Variants in PRKN observed in about 807,000 individuals in gnomAD.
PRKN encodes E3 ubiquitin-protein ligase parkin.
PRKN carries 56 observed loss-of-function variants against 59.5 expected under a neutral mutation model. The ratio of observed to expected loss-of-function variants is 0.94; its 90% CI spans 0.76 to 1.18. The LOEUF (loss-of-function observed/expected upper bound fraction) is 1.18. Ranked by LOEUF, PRKN falls within the 50% of genes most tolerant of loss-of-function variation. PRKN has a pLI of 0.00. For missense variants in PRKN, 657 were observed against 596.4 expected (o/e 1.10, Z -1.06); for synonymous variants, 250 against 222.1 (o/e 1.13, Z -1.12).
In PRKN at chr6:162,291,428, G is replaced by A. The variant is rs573545739; in HGVS notation, c.172-28663C>T. 3.3e-5 allele frequency among the ~76,000 whole-genome samples: 5 copies of A among 152,082 alleles called. No homozygotes were observed. The East Asian group carries it at 5.8e-4, about 18-fold the overall frequency. ...GGTGGGATGGGGGGGAAGGGACATC[G>A]CAGGAATCATGCCACTTTCCAGCCC... On this transcript the variant is annotated intron_variant, in intron 2 of 11. Transcript: ENST00000366898.
rs191877400 is a variant in PRKN, at chr6:161,576,670, A to T, written c.872-7254T>A. ...CGAGAGACAATAAAAATAAACTAATAAGTAGGTAAATGAAGTAACATTTTG... is the reference window on the plus strand; with the variant it reads ...CGAGAGACAATAAAAATAAACTAATTAGTAGGTAAATGAAGTAACATTTTG... On this transcript the variant is annotated intron_variant, in intron 7 of 11. Transcript: ENST00000366898. The surrounding 1 kb of genome is among the most constrained non-coding windows in gnomAD (Gnocchi z 4.6). Among the ~76,000 whole-genome samples, 1 of 152,294 alleles carries T rather than the reference A, an allele frequency of 6.6e-6. No homozygotes were observed. Among genetic ancestry groups the T allele is most frequent in the Admixed American group, 6.5e-5 (1 of 15,304 alleles).
chr6:161,474,592 C>A (rs1790971644), intron 9 of PRKN, among the ~76,000 whole-genome samples: 1 of 151,452 alleles, frequency 6.6e-6, no homozygotes, highest in East Asian at 1.9e-4. Context: ...CTATGTTCAC[C>A]ATTACTTTTT....
intron 9 of PRKN, among the ~76,000 whole-genome samples, chr6:161,418,773 T>C (rs1787963685): frequency 6.6e-6 from 1 of 152,210 alleles, no homozygotes. Context: ...TCCCACATAG[T>C]ATTTGCTTCT....
Position 161,872,619 on chromosome 6 carries a change from AATCCATGGTCC to A in PRKN, c.735-86722_735-86712del, listed in dbSNP as rs528293654. On this transcript the variant is annotated intron_variant, in intron 6 of 11. Coordinates refer to ENST00000366898, the MANE Select transcript of PRKN (RefSeq NM_004562.3). ...GCATTTACTGATACCCACAATGCTT[AATCCATGGTCC>A]CTCATATTAAAGCCATCTGCTGGGC... Among the ~76,000 whole-genome samples the A allele has an allele frequency of 5.3e-3, 802 of 152,134 alleles. 11 individuals are homozygous for A. Among genetic ancestry groups the A allele is most frequent in the African/African-American group, 0.019 (772 of 41,522 alleles).
At chr6:162,073,520 T>C (rs1778674676) in intron 4 of PRKN, among the ~76,000 whole-genome samples, 1 of 152,212 alleles carries the variant, frequency 6.6e-6, no homozygotes, top group Non-Finnish European at 1.5e-5. Flanking sequence ...TGGCACGATA[T>C]GGCTCACTGC....
intron 7 of PRKN, among the ~76,000 whole-genome samples, chr6:161,684,759 T>C (rs1481468366): frequency 6.6e-6 from 1 of 151,542 alleles, no homozygotes; most frequent in Non-Finnish European, 1.5e-5. Context: ...CTAAAGTCTA[T>C]ATTTTAGGTC....
chr6:162,282,038 C>A (rs1035275631), intron 2 of PRKN, among the ~76,000 whole-genome samples: 8 of 152,160 alleles, frequency 5.3e-5, no homozygotes, highest in African/African-American at 1.9e-4. Flanking sequence ...GCTGATCAGA[C>A]AGGAGCTCCA....
At chr6:161,878,579 T>C (rs1449383069) in intron 6 of PRKN, among the ~76,000 whole-genome samples, 1 of 152,170 alleles carries the variant, frequency 6.6e-6, no homozygotes, top group Non-Finnish European at 1.5e-5. Context: ...CAGGGGCCAT[T>C]ACGAAATGAA....
At chr6:161,572,528 C>G (rs142552822) in intron 7 of PRKN, among the ~76,000 whole-genome samples, 3 of 151,978 alleles carry the variant, frequency 2.0e-5, no homozygotes, top group Non-Finnish European at 4.4e-5. Flanking sequence ...GACATGGTGG[C>G]GGGCATCTGT....
At chr6:162,227,935 A>C (rs1778252457) in intron 3 of PRKN, among the ~76,000 whole-genome samples, 1 of 88,270 alleles carries the variant, frequency 1.1e-5, no homozygotes, top group Non-Finnish European at 2.3e-5. Context: ...AGTTCCATTA[A>C]AAAAAAAAAA....
At chr6:161,934,960 A>T (rs1779299402) in intron 6 of PRKN, among the ~76,000 whole-genome samples, 1 of 152,194 alleles carries the variant, frequency 6.6e-6, no homozygotes, top group Non-Finnish European at 1.5e-5. Flanking sequence ...AGAAATAATT[A>T]GGTCTGTCTA....
intron 7 of PRKN, among the ~76,000 whole-genome samples, chr6:161,737,222 C>T (rs1203468077): frequency 1.3e-5 from 2 of 152,288 alleles, no homozygotes; most frequent in East Asian, 3.9e-4. Flanking sequence ...TGGCCTTCAC[C>T]AGGAAGGCAA....
Position 161,448,557 on chromosome 6 carries a change from T to C in PRKN, c.1084-61680A>G, listed in dbSNP as rs569067272. On this transcript the variant is annotated intron_variant, in intron 9 of 11. Transcript: ENST00000366898. The surrounding 1 kb of genome is among the most constrained non-coding windows in gnomAD (Gnocchi z 5.1). ...TTCTCTTATCCCAGTTTCTTCCGTC[T>C]TTCTTCTCTTCTTTCTCTTTCTCTG... 2.0e-5 allele frequency among the ~76,000 whole-genome samples: 3 copies of C among 152,356 alleles called. No homozygotes were observed. The highest frequency in any genetic ancestry group is 3.9e-4 in the East Asian group (2 of 5,188).
intron 5 of PRKN, among the ~76,000 whole-genome samples, chr6:162,018,661 T>C (rs1452683957): frequency 2.6e-5 from 4 of 152,208 alleles, no homozygotes; most frequent in African/African-American, 9.7e-5. Flanking sequence ...TTCAAAGTGA[T>C]TTCTCAGTGT....
rs866950410 is a variant in PRKN, at chr6:162,719,681, C to T, written c.7+7981G>A. On this transcript the variant is annotated intron_variant, in intron 1 of 11. Coordinates refer to ENST00000366898, the MANE Select transcript of PRKN (RefSeq NM_004562.3). ...AGCTGTGGTGAAGCCTGGTCTGTTC[C>T]GGTCAGGCCACTCCTGTGATAACCC... Among the ~76,000 whole-genome samples the T allele has an allele frequency of 1.1e-4, 17 of 152,272 alleles. 1 individual carries two copies. The Middle Eastern group carries it at 0.017, about 152-fold the overall frequency.
intron 3 of PRKN, among the ~76,000 whole-genome samples, chr6:162,215,374 T>C (rs1183224974): frequency 6.6e-6 from 1 of 152,172 alleles, no homozygotes; most frequent in East Asian, 1.9e-4. Flanking sequence ...CACAATCAAC[T>C]GGCCTTAAAA....
intron 7 of PRKN, among the ~76,000 whole-genome samples, chr6:161,599,496 G>A (rs920051081): frequency 1.6e-4 from 25 of 152,220 alleles, no homozygotes; most frequent in East Asian, 1.9e-4. Context: ...TAAAAATAAC[G>A]TTTCTTTAGA....
chr6:162,068,927 T>C (rs1778453980), intron 4 of PRKN, among the ~76,000 whole-genome samples: 1 of 152,156 alleles, frequency 6.6e-6, no homozygotes, highest in Non-Finnish European at 1.5e-5. Flanking sequence ...GTTTCAGAAA[T>C]GGTAACTCAA....
intron 5 of PRKN, among the ~76,000 whole-genome samples, chr6:162,012,273 C>T (rs1782758147): frequency 6.6e-6 from 1 of 152,064 alleles, no homozygotes; most frequent in African/African-American, 2.4e-5. Context: ...CATCCAGCCT[C>T]CTCAAATACT....
Sources: gnomAD v4.1 joint callset for allele counts (sites outside exome capture counted in the v4.1 genomes callset) on GRCh38, gnomAD v4.1.1 for gene constraint, Gnocchi (gnomAD v3.1) non-coding constraint, MANE v1.5 for transcripts, NCBI Gene and HGNC (gene_info 2026-07-23, HGNC 2026-07-21) for gene names.